The following SENP1 variants were observed in gnomAD, a reference collection of about 807,000 sequenced individuals.
The protein encoded by SENP1 is sentrin-specific protease 1.
Under a neutral mutation model 93.0 loss-of-function variants are expected in SENP1, and 21 were observed. The observed-to-expected ratio is 0.23, with a 90% CI of 0.16 to 0.33. The LOEUF (loss-of-function observed/expected upper bound fraction) is 0.33. Among genes scored for constraint, SENP1 ranks in the 10% least tolerant of loss-of-function variants. The pLI is 1.00. For synonymous variants in SENP1, 256 were observed against 259.6 expected (o/e 0.99, Z 0.13); for missense variants, 591 against 758.7 (o/e 0.78, Z 2.60).
At chr12:48,094,911 G>A (rs1033116444) in intron 4 of SENP1, among the ~76,000 whole-genome samples, 2 of 152,082 alleles carry the variant, frequency 1.3e-5, no homozygotes, top group African/African-American at 2.4e-5. Context: ...CCATTCAACT[G>A]TTCCTCCACC....
chr12:48,102,959 AG>A (rs1476264909), intron 1 of SENP1, among the ~76,000 whole-genome samples: 19 of 152,212 alleles, frequency 1.2e-4, no homozygotes, highest in African/African-American at 4.6e-4. Context: ...TCAACTTAAA[AG>A]GCTTCTTTAC....
intron 5 of SENP1, among the ~76,000 whole-genome samples, chr12:48,086,520 T>TC (rs1367574549): frequency 6.6e-6 from 1 of 152,152 alleles, no homozygotes; most frequent in East Asian, 1.9e-4. Context: ...GACTGTCAGT[T>TC]CCTCAATCCA....
intron 6 of SENP1, chr12:48,079,963 C>A (rs979209568): frequency 3.3e-5 from 5 of 152,182 alleles, no homozygotes; most frequent in Non-Finnish European, 7.3e-5. Flanking sequence ...AAGTATAAAA[C>A]CATCACTGTC....
intron 1 of SENP1, among the ~76,000 whole-genome samples, chr12:48,102,877 C>T (rs17122651): frequency 0.23 from 34,316 of 151,106 alleles, 4,554 homozygotes; most frequent in East Asian, 0.55. Flanking sequence ...TATCTGATTA[C>T]CTAGTCTTGC....
intron 13 of SENP1, among the ~76,000 whole-genome samples, chr12:48,058,767 A>T (rs1324020079): frequency 6.6e-6 from 1 of 152,190 alleles, no homozygotes; most frequent in East Asian, 1.9e-4. Flanking sequence ...GTGTAGACTG[A>T]CATTTCCATT....
At chr12:48,100,888 G>A (rs952847247) in intron 2 of SENP1, among the ~76,000 whole-genome samples, 4 of 152,174 alleles carry the variant, frequency 2.6e-5, no homozygotes, top group African/African-American at 9.7e-5. Flanking sequence ...CTTAGAACAG[G>A]GTCTAGTACA....
At position 48,044,778 on chromosome 12, in the gene SENP1, G is replaced by A. The variant is rs1284455904; in HGVS notation, c.*544C>T. 1 of 155,644 alleles carries A rather than the reference G, an allele frequency of 6.4e-6. No homozygotes were observed. Among genetic ancestry groups the A allele is most frequent in the Non-Finnish European group, 1.4e-5 (1 of 69,710 alleles). 9.6% of individuals were successfully genotyped at this position (155,644 alleles called of 1,614,324 possible). Reference sequence around the variant, plus strand: ...AAATAGGAAAGGTCCTGGAGGAAGGGACTTATGCCTGGGCCCCAAAGTCCA... The same window carrying A: ...AAATAGGAAAGGTCCTGGAGGAAGGAACTTATGCCTGGGCCCCAAAGTCCA... On this transcript the variant is annotated 3_prime_UTR_variant, in exon 18 of 18. Coordinates refer to ENST00000549518, the MANE Select transcript of SENP1 (RefSeq NM_001267594.2).
chr12:48,049,493 G>A (rs553885047), intron 13 of SENP1, among the ~76,000 whole-genome samples: 4 of 152,176 alleles, frequency 2.6e-5, no homozygotes, highest in Non-Finnish European at 5.9e-5. Context: ...GTTTAATAAT[G>A]CACATTAGCA....
At chr12:48,070,578 C>G (rs1480200950) in intron 9 of SENP1, among the ~76,000 whole-genome samples, 3 of 152,098 alleles carry the variant, frequency 2.0e-5, no homozygotes, top group Non-Finnish European at 4.4e-5. Flanking sequence ...TATACTAGTA[C>G]CTGGCACACA....
chr12:48,081,133 T>C (rs569266167), intron 6 of SENP1, among the ~76,000 whole-genome samples: 48 of 152,284 alleles, frequency 3.2e-4, no homozygotes, highest in African/African-American at 1.1e-3. Flanking sequence ...AGGCGAGGGT[T>C]AGGAGCCCTG....
chr12:48,047,864 A>T, intron 15 of SENP1, 137 bp downstream of exon 15: 1 of 617,936 alleles, frequency 1.6e-6, no homozygotes. Context: ...TTACTTAGAT[A>T]CAAAATATGC....
intron 3 of SENP1, 79 bp from the exon 4 acceptor site, chr12:48,096,506 A>G (rs1056663807): frequency 1.2e-6 from 1 of 826,682 alleles, no homozygotes; most frequent in Non-Finnish European, 2.0e-6. Flanking sequence ...CCCAGGCTGG[A>G]GTACACCGGC....
chr12:48,105,407 G>A lies in SENP1; in HGVS notation c.-45+621C>T, dbSNP rs565431650. The A allele has an allele frequency of 5.3e-4, 273 of 519,058 alleles. 3 individuals carry two copies. The highest frequency in any genetic ancestry group is 3.6e-3 in the South Asian group (260 of 71,590). The allele number at this position is 519,058 out of a possible 1,614,324, so 32.2% of individuals were successfully genotyped here. A position where few individuals can be genotyped will look rare whatever the true frequency, so the allele number is the denominator to read the frequency against. On this transcript the variant is annotated intron_variant, in intron 1 of 17. Coordinates refer to ENST00000549518, the MANE Select transcript of SENP1 (RefSeq NM_001267594.2). ...AGACGGTTCAAGGGAATTACCAGGA[G>A]GCGATGAGCCAGGTAAGCAAATTGT...
intron 13 of SENP1, among the ~76,000 whole-genome samples, chr12:48,056,240 CAT>C (rs1276569488): frequency 8.9e-6 from 1 of 112,906 alleles, no homozygotes; most frequent in Admixed American, 1.1e-4. Context: ...ATATATTTTA[CAT>C]ATAATATATA....
At position 48,083,234 on chromosome 12, in the gene SENP1, G is replaced by C. The variant is rs377385053; in HGVS notation, c.552+357C>G. Among the ~76,000 whole-genome samples, 28 of 152,286 alleles carry C rather than the reference G, an allele frequency of 1.8e-4. No homozygotes were observed. The South Asian group carries it at 5.8e-3, about 32-fold the overall frequency. On this transcript the variant is annotated intron_variant, in intron 6 of 17. Transcript: ENST00000549518. The stretch of plus-strand genomic sequence containing the variant: ...ATAAAATTTTATCAAAAACTACGGA[G>C]GAAGAGTAACAATTTTTCCATAGGA...
chr12:48,054,041 G>C (rs1276753185), intron 13 of SENP1, among the ~76,000 whole-genome samples: 1 of 152,180 alleles, frequency 6.6e-6, no homozygotes, highest in Non-Finnish European at 1.5e-5. Context: ...AAATAATAGA[G>C]AGACAGGAAA....
rs1016676455 is a variant in SENP1, at chr12:48,045,193, AG to A, written c.*128del. On this transcript the variant is annotated 3_prime_UTR_variant, in exon 18 of 18. Coordinates refer to ENST00000549518, the MANE Select transcript of SENP1 (RefSeq NM_001267594.2). ...GATGTGCTTGTGAATGCATCTCGCC[AG>A]GGCCTGGTCCAGGATCAAGGGTGTT... The A allele has an allele frequency of 4.2e-6, 3 of 706,192 alleles. No homozygotes were observed. The highest frequency in any genetic ancestry group is 7.6e-6 in the Non-Finnish European group (3 of 396,010). The allele number at this position is 706,192 out of a possible 1,614,324, so 43.7% of individuals were successfully genotyped here. A position where few individuals can be genotyped will look rare whatever the true frequency, so the allele number is the denominator to read the frequency against.
intron 13 of SENP1, among the ~76,000 whole-genome samples, chr12:48,060,980 A>C (rs1942922207): frequency 6.6e-6 from 1 of 152,164 alleles, no homozygotes; most frequent in South Asian, 2.1e-4. Flanking sequence ...ACAGAATTTA[A>C]CCAAACTGAC....
At chr12:48,055,140 A>AG in intron 13 of SENP1, 1 of 260,748 alleles carries the variant, frequency 3.8e-6, no homozygotes, top group Non-Finnish European at 7.3e-6. Context: ...TGCGCTTGGC[A>AG]GGGGAGCCAC....
Sources: gnomAD v4.1 joint callset for allele counts (sites outside exome capture counted in the v4.1 genomes callset) on GRCh38, gnomAD v4.1.1 for gene constraint, MANE v1.5 for transcripts, NCBI Gene and HGNC (gene_info 2026-07-23, HGNC 2026-07-21) for gene names.